Variants in KCNK13 observed in about 807,000 individuals in gnomAD.
KCNK13 encodes potassium channel subfamily K member 13.
A neutral mutation model predicts 23.4 loss-of-function variants in KCNK13; 12 were observed. The observed-to-expected ratio is 0.51, with a 90% CI of 0.33 to 0.83. KCNK13 has a LOEUF of 0.83. KCNK13 is among the 40% of genes least tolerant of loss of function. The pLI is 0.02. For missense variants in KCNK13, 463 were observed against 556.3 expected (o/e 0.83, Z 1.69); for synonymous variants, 231 against 229.5 (o/e 1.01, Z -0.06).
chr14:90,095,841 C>G (rs1889404446), intron 1 of KCNK13, among the ~76,000 whole-genome samples: 2 of 152,196 alleles, frequency 1.3e-5, no homozygotes, highest in Admixed American at 1.3e-4. Flanking sequence ...TGCCCCCCAC[C>G]TTCAGGTGTC....
At chr14:90,077,654 C>T (rs1467658543) in intron 1 of KCNK13, among the ~76,000 whole-genome samples, 1 of 152,242 alleles carries the variant, frequency 6.6e-6, no homozygotes, top group East Asian at 1.9e-4. Flanking sequence ...ACAGTGCTTT[C>T]AGCAGATACT....
At chr14:90,094,693 G>A (rs1889388589) in intron 1 of KCNK13, among the ~76,000 whole-genome samples, 2 of 147,346 alleles carry the variant, frequency 1.4e-5, no homozygotes, top group African/African-American at 5.1e-5. Context: ...TGTCGCCCAG[G>A]CTGGAGTGCA....
intron 1 of KCNK13, among the ~76,000 whole-genome samples, chr14:90,084,913 T>C (rs1889254312): frequency 1.3e-5 from 2 of 152,128 alleles, no homozygotes; most frequent in African/African-American, 4.8e-5. Flanking sequence ...ATATAATGTT[T>C]TGCATTGATT....
At chr14:90,129,778 T>G (rs74082623) in intron 1 of KCNK13, among the ~76,000 whole-genome samples, 9,589 of 152,072 alleles carry the variant, frequency 0.063, 394 homozygotes, top group South Asian at 0.21. Flanking sequence ...CTGTTTTATT[T>G]AAAGAACATA....
At chr14:90,163,052 A>G (rs1446674983) in intron 1 of KCNK13, among the ~76,000 whole-genome samples, 2 of 152,248 alleles carry the variant, frequency 1.3e-5, no homozygotes, top group Non-Finnish European at 2.9e-5. Flanking sequence ...AAACTGCTGG[A>G]GAAACAACAT....
chr14:90,073,282 G>A (rs1889097506), intron 1 of KCNK13, among the ~76,000 whole-genome samples: 1 of 152,118 alleles, frequency 6.6e-6, no homozygotes, highest in African/African-American at 2.4e-5. Flanking sequence ...GTAAGGTTTG[G>A]GTAGCGTGCT....
intron 1 of KCNK13, among the ~76,000 whole-genome samples, chr14:90,148,259 G>A (rs546504712): frequency 6.6e-6 from 1 of 152,218 alleles, no homozygotes; most frequent in East Asian, 1.9e-4. Context: ...TCTTGCCGTA[G>A]CACCACACTA....
At chr14:90,163,260 C>G in intron 1 of KCNK13, among the ~76,000 whole-genome samples, 1 of 152,156 alleles carries the variant, frequency 6.6e-6, no homozygotes, top group East Asian at 1.9e-4. Context: ...AGTAGAGTCA[C>G]AGAACAATCC....
At chr14:90,128,846 A>G (rs932168561) in intron 1 of KCNK13, among the ~76,000 whole-genome samples, 1 of 152,172 alleles carries the variant, frequency 6.6e-6, no homozygotes, top group African/African-American at 2.4e-5. Flanking sequence ...TACGTGTAAC[A>G]TAAATGTAAG....
chr14:90,175,720 C>T (rs1890415185), intron 1 of KCNK13, among the ~76,000 whole-genome samples: 1 of 152,136 alleles, frequency 6.6e-6, no homozygotes, highest in South Asian at 2.1e-4. Context: ...TTTGACCAAC[C>T]ATGGGTGTTT....
chr14:90,154,875 G>A (rs1890176800), intron 1 of KCNK13, among the ~76,000 whole-genome samples: 1 of 152,180 alleles, frequency 6.6e-6, no homozygotes, highest in South Asian at 2.1e-4. Context: ...AGCTGTACAG[G>A]AAGAGGTGAA....
chr14:90,140,873 GA>G (rs1425661213), intron 1 of KCNK13, among the ~76,000 whole-genome samples: 1 of 152,168 alleles, frequency 6.6e-6, no homozygotes, highest in Non-Finnish European at 1.5e-5. Context: ...GGAAGTAAAT[GA>G]TGGCAACTTA....
At chr14:90,135,727 T>C (rs568072429) in intron 1 of KCNK13, among the ~76,000 whole-genome samples, 1 of 152,292 alleles carries the variant, frequency 6.6e-6, no homozygotes, top group South Asian at 2.1e-4. Flanking sequence ...GCTGGTGCCC[T>C]CTTCAAGAAA....
At chr14:90,172,639 G>A (rs76010958) in intron 1 of KCNK13, among the ~76,000 whole-genome samples, 13,414 of 151,824 alleles carry the variant, frequency 0.088, 824 homozygotes, top group South Asian at 0.17. Context: ...TTGTTCTGGT[G>A]TTATATGAGT....
intron 1 of KCNK13, among the ~76,000 whole-genome samples, chr14:90,144,084 A>G (rs1235039820): frequency 6.6e-6 from 1 of 152,136 alleles, no homozygotes; most frequent in Non-Finnish European, 1.5e-5. Flanking sequence ...TATAATTGTC[A>G]TTTGCTACAA....
At chr14:90,182,578 T>C (rs1890500552) in intron 1 of KCNK13, among the ~76,000 whole-genome samples, 1 of 152,056 alleles carries the variant, frequency 6.6e-6, no homozygotes, top group Admixed American at 6.6e-5. Flanking sequence ...TCCCAGTGCT[T>C]TGGGAGGCTG....
intron 1 of KCNK13, among the ~76,000 whole-genome samples, chr14:90,080,519 T>G (rs1889196130): frequency 6.6e-6 from 1 of 152,038 alleles, no homozygotes; most frequent in African/African-American, 2.4e-5. Flanking sequence ...AGGAAAGAGG[T>G]TAGGACTAGA....
chr14:90,128,599 G>A (rs897573003), intron 1 of KCNK13, among the ~76,000 whole-genome samples: 3 of 152,126 alleles, frequency 2.0e-5, no homozygotes, highest in Non-Finnish European at 2.9e-5. Context: ...TACAGACGGA[G>A]GTAAAATAAG....
chr14:90,159,916 TG>T (rs1692713742), intron 1 of KCNK13, among the ~76,000 whole-genome samples: 1 of 150,428 alleles, frequency 6.6e-6, no homozygotes, highest in African/African-American at 2.4e-5. Context: ...ACTCCAGACT[TG>T]GTATTCTTAA....
Sources: gnomAD v4.1 joint callset for allele counts (sites outside exome capture counted in the v4.1 genomes callset) on GRCh38, gnomAD v4.1.1 for gene constraint, MANE v1.5 for transcripts, NCBI Gene and HGNC (gene_info 2026-07-23, HGNC 2026-07-21) for gene names.